IQCH: variants seen among roughly 807,000 people sequenced by gnomAD.
IQCH encodes the protein IQ domain-containing protein H.
A neutral mutation model predicts 117.0 loss-of-function variants in IQCH; 98 were observed. The ratio of observed to expected loss-of-function variants is 0.84; its 90% CI spans 0.71 to 0.99. The LOEUF is 0.99. IQCH is among the 50% of genes least tolerant of loss of function. IQCH has a pLI of 0.00. For missense variants in IQCH, 1,102 were observed against 1,243.8 expected (o/e 0.89, Z 1.72); for synonymous variants, 412 against 448.2 (o/e 0.92, Z 1.02).
intron 17 of IQCH, among the ~76,000 whole-genome samples, chr15:67,469,432 C>T (rs2083016031): frequency 6.6e-6 from 1 of 152,196 alleles, no homozygotes; most frequent in Non-Finnish European, 1.5e-5. Context: ...TACGGGGACA[C>T]AGGAAGGGCC....
Position 67,493,029 on chromosome 15 carries a change from C to A in IQCH, c.2862-1229C>A, listed in dbSNP as rs1171982229. On this transcript the variant is annotated intron_variant, in intron 19 of 20. Coordinates refer to ENST00000335894, the MANE Select transcript of IQCH (RefSeq NM_001031715.3). The surrounding 1 kb of genome is among the most constrained non-coding windows in gnomAD (Gnocchi z 5.1). ...AGGCAAGGATGCCTTGACCTGCAGGCTAGTTTCAATGGCAGAAATAGTCCT... is the reference window on the plus strand; with the variant it reads ...AGGCAAGGATGCCTTGACCTGCAGGATAGTTTCAATGGCAGAAATAGTCCT... Among the ~76,000 whole-genome samples, 1 of 152,200 alleles carries A rather than the reference C, an allele frequency of 6.6e-6. No individual in the cohort carries two copies. The highest frequency in any genetic ancestry group is 1.5e-5 in the Non-Finnish European group (1 of 68,032).
At chr15:67,363,712 C>T (rs1201305517) in intron 8 of IQCH, among the ~76,000 whole-genome samples, 2 of 152,152 alleles carry the variant, frequency 1.3e-5, no homozygotes, top group African/African-American at 2.4e-5. Flanking sequence ...CCTCTTCCTA[C>T]CCTCCACCCT....
intron 3 of IQCH, among the ~76,000 whole-genome samples, chr15:67,264,984 T>C (rs994881339): frequency 1.3e-4 from 20 of 151,860 alleles, no homozygotes; most frequent in African/African-American, 2.4e-5. Context: ...AGAGAAGGTG[T>C]GTCATCAAAG....
chr15:67,423,714 C>T (rs556475595), intron 16 of IQCH, among the ~76,000 whole-genome samples: 3 of 151,138 alleles, frequency 2.0e-5, no homozygotes, highest in Admixed American at 1.3e-4. Context: ...ATCAGCCAGG[C>T]GTGATGGTGG....
At position 67,473,071 on chromosome 15, in the gene IQCH, T is replaced by TG. The variant is rs1489111774; in HGVS notation, c.2677-2623dup. Among the ~76,000 whole-genome samples the TG allele has an allele frequency of 6.6e-6, 1 of 152,236 alleles. No homozygotes were observed. Among genetic ancestry groups the TG allele is most frequent in the Admixed American group, 6.5e-5 (1 of 15,290 alleles). ...CCTACCTCTCTTGCTGGCTGGGGTCTGGTCTTGGTTTTTCTTGTTTATATA... is the reference window on the plus strand; with the variant it reads ...CCTACCTCTCTTGCTGGCTGGGGTCTGGGTCTTGGTTTTTCTTGTTTATATA... On this transcript the variant is annotated intron_variant, in intron 17 of 20. Transcript: ENST00000335894. This position sits in a 1 kb window ranked among gnomAD's most constrained non-coding sequence, Gnocchi z 4.9.
chr15:67,323,519 G>A (rs546881721), intron 4 of IQCH, among the ~76,000 whole-genome samples: 2 of 152,142 alleles, frequency 1.3e-5, no homozygotes, highest in South Asian at 2.1e-4. Flanking sequence ...TGGGATTACA[G>A]GTGTGAGCCA....
intron 10 of IQCH, among the ~76,000 whole-genome samples, chr15:67,379,701 T>C (rs908722704): frequency 2.0e-5 from 3 of 152,174 alleles, no homozygotes; most frequent in Non-Finnish European, 4.4e-5. Flanking sequence ...AGTGTGGCAC[T>C]TCCCCCCTCA....
rs983143597 is a variant in IQCH at position 67,342,031 on chromosome 15, G to T, written c.509-2032G>T. Among the ~76,000 whole-genome samples, 11 of 152,124 alleles carry T rather than the reference G, an allele frequency of 7.2e-5. No homozygotes were observed. The highest frequency in any genetic ancestry group is 2.4e-4 in the African/African-American group (10 of 41,486). On this transcript the variant is annotated intron_variant, in intron 5 of 20. Transcript: ENST00000335894. The surrounding 1 kb of genome is among the most constrained non-coding windows in gnomAD (Gnocchi z 4.7). ...CACACCTATAATCTCAGCACCTTGGGAGGCCAAGGCAGGAAGATTGCTTGA... is the reference window on the plus strand; with the variant it reads ...CACACCTATAATCTCAGCACCTTGGTAGGCCAAGGCAGGAAGATTGCTTGA...
Position 67,473,149 on chromosome 15 carries a change from T to C in IQCH, c.2677-2547T>C, listed in dbSNP as rs2083115244. On this transcript the variant is annotated intron_variant, in intron 17 of 20. Transcript: ENST00000335894. The surrounding 1 kb of genome is among the most constrained non-coding windows in gnomAD (Gnocchi z 4.9). ...GACAAAAATAACCTTGGAATTATCT[T>C]GTGAATTCATGGCAATTACCATGCA... Among the ~76,000 whole-genome samples, 1 of 152,230 alleles carries C rather than the reference T, an allele frequency of 6.6e-6. No individual in the cohort carries two copies. Among genetic ancestry groups the C allele is most frequent in the South Asian group, 2.1e-4 (1 of 4,832 alleles).
chr15:67,382,959 C>G (rs552282464), intron 10 of IQCH, among the ~76,000 whole-genome samples: 1 of 152,158 alleles, frequency 6.6e-6, no homozygotes, highest in Non-Finnish European at 1.5e-5. Context: ...ATCTTTTCAC[C>G]TGTCAACACA....
At chr15:67,323,157 A>C (rs1968221479) in intron 4 of IQCH, among the ~76,000 whole-genome samples, 1 of 151,538 alleles carries the variant, frequency 6.6e-6, no homozygotes. Context: ...TCCTGCCACT[A>C]TCACAACTAT....
chr15:67,349,952 A>G (rs1049636280), intron 6 of IQCH, among the ~76,000 whole-genome samples: 4 of 152,232 alleles, frequency 2.6e-5, no homozygotes, highest in Admixed American at 6.5e-5. Context: ...ACTTTGGAAA[A>G]CAGTTTGGCA....
At chr15:67,438,644 CAACT>C (rs777901012) in intron 16 of IQCH, among the ~76,000 whole-genome samples, 1 of 152,182 alleles carries the variant, frequency 6.6e-6, no homozygotes, top group Non-Finnish European at 1.5e-5. Context: ...ACTCACCAAC[CAACT>C]ATCTGCTCCT....
chr15:67,500,452 T>C lies in IQCH; in HGVS notation c.2971-181T>C, dbSNP rs1422849975. On this transcript the variant is annotated intron_variant, in intron 20 of 20. Transcript: ENST00000335894. This position sits in a 1 kb window ranked among gnomAD's most constrained non-coding sequence, Gnocchi z 4.4. ...TAAAAAGTTTTCCAAATTCTTACTC[T>C]CAATTTTTTTACTCATTTCAGCAAG... Among the ~76,000 whole-genome samples, 1 of 152,196 alleles carries C rather than the reference T, an allele frequency of 6.6e-6. No individual in the cohort carries two copies. Among genetic ancestry groups the C allele is most frequent in the Non-Finnish European group, 1.5e-5 (1 of 68,016 alleles).
chr15:67,426,560 CA>C lies in IQCH; in HGVS notation c.2505+4992del, dbSNP rs145784300. Among the ~76,000 whole-genome samples the C allele has an allele frequency of 3.2e-3, 463 of 145,916 alleles. 3 individuals carry two copies. The highest frequency in any genetic ancestry group is 0.011 in the African/African-American group (439 of 39,654). ...ACTATTACATATCAATAAAAAATAC[CA>C]AAAAAAAACCCAACCTCATACTCAT... is the stretch of plus-strand genomic sequence containing the variant. On this transcript the variant is annotated intron_variant, in intron 16 of 20. Coordinates refer to ENST00000335894, the MANE Select transcript of IQCH (RefSeq NM_001031715.3). The surrounding 1 kb of genome is among the most constrained non-coding windows in gnomAD (Gnocchi z 5.1).
At chr15:67,468,989 T>G (rs923170564) in intron 17 of IQCH, among the ~76,000 whole-genome samples, 3 of 152,234 alleles carry the variant, frequency 2.0e-5, no homozygotes, top group African/African-American at 7.2e-5. Context: ...TCAATTTAAA[T>G]TGTGGCTGAA....
At chr15:67,377,156 G>A (rs1970768386) in intron 10 of IQCH, among the ~76,000 whole-genome samples, 2 of 150,722 alleles carry the variant, frequency 1.3e-5, no homozygotes, top group South Asian at 4.2e-4. Flanking sequence ...AAGAAAGGAG[G>A]ACTTATGAAA....
Position 67,474,134 on chromosome 15 carries a change from A to G in IQCH, c.2677-1562A>G, listed in dbSNP as rs183827798. ...GGGAGAGAGGGATGCAGGAGAGGAAAGGAGGTCTATTCTCTGCAGAGCACT... is the reference window on the plus strand; with the variant it reads ...GGGAGAGAGGGATGCAGGAGAGGAAGGGAGGTCTATTCTCTGCAGAGCACT... On this transcript the variant is annotated intron_variant, in intron 17 of 20. Coordinates refer to ENST00000335894, the MANE Select transcript of IQCH (RefSeq NM_001031715.3). The surrounding 1 kb of genome is among the most constrained non-coding windows in gnomAD (Gnocchi z 4.1). 2.7e-5 allele frequency among the ~76,000 whole-genome samples: 4 copies of G among 150,906 alleles called. No homozygotes were observed. The highest frequency in any genetic ancestry group is 2.6e-4 in the Admixed American group (4 of 15,144).
rs150576676 is a variant in IQCH at position 67,359,951 on chromosome 15, A to G, written c.753+66A>G. 1,450 of 1,320,774 alleles carry G rather than the reference A, an allele frequency of 1.1e-3. 12 individuals carry two copies. The African/African-American group carries it at 0.019, about 17-fold the overall frequency. 81.8% of individuals were successfully genotyped at this position (1,320,774 alleles called of 1,614,324 possible). A position where few individuals can be genotyped will look rare whatever the true frequency, so the allele number is the denominator to read the frequency against. ...ACCTGATGTCCCTTCCTTTTGCTGCAGGGCAAGAGTATGGGTGACTGCTTG... is the reference window on the plus strand; with the variant it reads ...ACCTGATGTCCCTTCCTTTTGCTGCGGGGCAAGAGTATGGGTGACTGCTTG... On this transcript the variant is annotated intron_variant, in intron 8 of 20. Transcript: ENST00000335894. This position sits in a 1 kb window ranked among gnomAD's most constrained non-coding sequence, Gnocchi z 4.5.
Sources: allele counts gnomAD v4.1 joint callset (sites outside exome capture counted in the v4.1 genomes callset), GRCh38; gene constraint gnomAD v4.1.1; non-coding constraint Gnocchi (gnomAD v3.1); transcripts MANE v1.5; gene names NCBI Gene and HGNC (gene_info 2026-07-23, HGNC 2026-07-21).